The following VPS13B variants were observed in gnomAD, a reference collection of about 807,000 sequenced individuals.
The protein encoded by VPS13B is vacuolar protein sorting 13 homolog B.
A neutral mutation model predicts 426.4 loss-of-function variants in VPS13B; 285 were observed. That is an observed-to-expected ratio of 0.67 (90% CI 0.61 to 0.74). The LOEUF (loss-of-function observed/expected upper bound fraction) is 0.74, where lower values mean the gene tolerates loss of function less well. Ranked by LOEUF, VPS13B falls within the 30% of genes least tolerant of loss-of-function variation. The pLI is 0.00. For missense variants in VPS13B, 4,537 were observed against 4,782.6 expected (o/e 0.95, Z 1.51); for synonymous variants, 1,676 against 1,676.4 (o/e 1.00, Z 0.01).
intron 9 of VPS13B, 84 bp from the exon 10 acceptor site, chr8:99,134,927 TTAAC>T (rs1438995325): frequency 1.5e-5 from 23 of 1,496,060 alleles, no homozygotes; most frequent in Non-Finnish European, 2.0e-5. Flanking sequence ...CTAAAGATGT[TTAAC>T]TAATTTAGAG....
chr8:99,038,553 AG>A lies in VPS13B; in HGVS notation c.280del (p.Asp94MetfsTer50). 6.2e-7 allele frequency: 1 copy of A among 1,612,756 alleles called. No homozygotes were observed. Among genetic ancestry groups the A allele is most frequent in the Non-Finnish European group, 8.5e-7 (1 of 1,179,252 alleles). On this transcript the variant is annotated frameshift_variant, in exon 3 of 62. Coordinates refer to ENST00000357162, the MANE Select transcript of VPS13B (RefSeq NM_152564.5). LOFTEE classifies it high-confidence loss of function. ...INTMECILKL[K>X]DGIQDDHESC... ...ACTATGGAATGCATTTTGAAACTTA[AG>A]GATGGGATACAGGTAAGAAATTATT...
At chr8:99,490,074 C>T (rs1820518576) in intron 25 of VPS13B, among the ~76,000 whole-genome samples, 1 of 152,088 alleles carries the variant, frequency 6.6e-6, no homozygotes, top group Admixed American at 6.6e-5. Flanking sequence ...AGATAGCTTC[C>T]ATCAATACCT....
At chr8:99,202,074 A>T (rs1427142891) in intron 17 of VPS13B, among the ~76,000 whole-genome samples, 1 of 152,206 alleles carries the variant, frequency 6.6e-6, no homozygotes, top group Admixed American at 6.5e-5. Context: ...GATATTACCT[A>T]TGGAAGTTGT....
At chr8:99,375,605 T>G (rs1184829751) in intron 19 of VPS13B, among the ~76,000 whole-genome samples, 1 of 152,246 alleles carries the variant, frequency 6.6e-6, no homozygotes, top group Non-Finnish European at 1.5e-5. Context: ...CTCTTGCATT[T>G]CTTAGTCTCT....
Position 99,821,181 on chromosome 8 carries a change from T to G in VPS13B, c.8995-113T>G. 4 of 848,730 alleles carry G rather than the reference T, an allele frequency of 4.7e-6. No homozygotes were observed. In the East Asian group the frequency reaches 1.4e-4, roughly 29 times the overall value. 52.6% of individuals were successfully genotyped at this position (848,730 alleles called of 1,614,324 possible). ...ACACACACACACCATGGAGGGATAT[T>G]TGGTTACCTTAGTAGACCTATTATA... On this transcript the variant is annotated intron_variant, in intron 49 of 61. Transcript: ENST00000357162.
At chr8:99,507,354 G>A (rs749140270) in intron 28 of VPS13B, 151 bp downstream of exon 28, 12 of 877,302 alleles carry the variant, frequency 1.4e-5, no homozygotes, top group Non-Finnish European at 2.1e-5. Context: ...TAAATTTAAA[G>A]CTATTTATTC....
Position 99,820,111 on chromosome 8 carries a change from C to A in VPS13B, c.8983C>A (p.Pro2995Thr), listed in dbSNP as rs1180231209. ...TCCTGCTGGCAAAATTATTATTCCT[C>A]CTAATTTTCAGGTACTATAACTTTT... Reference protein sequence around the residue: ...QVPAGKIIIPPNFQEAFQIGI... With the variant: ...QVPAGKIIIPTNFQEAFQIGI... The change falls in exon 49 of 62, where the codon CCT becomes ACT. Residue 2995 changes from proline to threonine, a missense_variant. Physicochemically the swap from Pro to Thr is conservative, Grantham distance 38. Around this residue, in one of 2 missense-constraint regions of VPS13B, gnomAD observed 4,311 missense variants for 4,474.3 expected, o/e 0.96. Coordinates refer to ENST00000357162, the MANE Select transcript of VPS13B (RefSeq NM_152564.5). The A allele has an allele frequency of 2.5e-6, 4 of 1,613,570 alleles. No homozygotes were observed. The Admixed American group carries it at 5.0e-5, about 20-fold the overall frequency.
intron 21 of VPS13B, among the ~76,000 whole-genome samples, chr8:99,422,898 T>G (rs1291049214): frequency 1.3e-5 from 2 of 152,210 alleles, no homozygotes; most frequent in Non-Finnish European, 2.9e-5. Flanking sequence ...TCAAATTTAG[T>G]ACACTGTTTA....
At chr8:99,095,014 G>C (rs1342098103) in intron 3 of VPS13B, among the ~76,000 whole-genome samples, 1 of 152,052 alleles carries the variant, frequency 6.6e-6, no homozygotes, top group Non-Finnish European at 1.5e-5. Context: ...CTTCCCTCAT[G>C]TTACTACTCT....
intron 21 of VPS13B, among the ~76,000 whole-genome samples, chr8:99,428,686 G>C (rs923653748): frequency 5.9e-5 from 9 of 152,138 alleles, no homozygotes; most frequent in East Asian, 1.9e-4. Context: ...GTTGGTGGGA[G>C]TGTAAACTGG....
At chr8:99,430,998 G>A (rs966984856) in intron 21 of VPS13B, among the ~76,000 whole-genome samples, 3 of 152,118 alleles carry the variant, frequency 2.0e-5, no homozygotes, top group East Asian at 1.9e-4. Context: ...GATTACAGGC[G>A]TGAGCCAACG....
At chr8:99,172,944 A>T (rs989088998) in intron 16 of VPS13B, among the ~76,000 whole-genome samples, 2 of 152,100 alleles carry the variant, frequency 1.3e-5, no homozygotes, top group African/African-American at 4.8e-5. Flanking sequence ...TTATTTAATC[A>T]AAGTTTGCTT....
chr8:99,099,581 A>G (rs1352402088), intron 4 of VPS13B, among the ~76,000 whole-genome samples: 1 of 152,240 alleles, frequency 6.6e-6, no homozygotes, highest in Non-Finnish European at 1.5e-5. Context: ...AGATAAGCAT[A>G]CATATACATA....
chr8:99,504,316 G>A (rs542216213), intron 27 of VPS13B, among the ~76,000 whole-genome samples: 34 of 152,268 alleles, frequency 2.2e-4, no homozygotes, highest in African/African-American at 7.0e-4. Context: ...GCAGAACCAC[G>A]AGCCAAATAA....
chr8:99,243,093 A>G lies in VPS13B; in HGVS notation c.2516-31105A>G, dbSNP rs1039539785. On this transcript the variant is annotated intron_variant, in intron 17 of 61. Transcript: ENST00000357162. Reference sequence around the variant, plus strand: ...AAGTTTGATTTGGAATAAGTTTTATATAATGAGACAGGAAGATGGACTAGA... The same window carrying G: ...AAGTTTGATTTGGAATAAGTTTTATGTAATGAGACAGGAAGATGGACTAGA... Among the ~76,000 whole-genome samples the G allele has an allele frequency of 4.6e-5, 7 of 152,232 alleles. No individual in the cohort carries two copies. In the South Asian group the frequency reaches 1.4e-3, roughly 32 times the overall value.
chr8:99,668,100 T>C (rs1830558229), intron 35 of VPS13B, among the ~76,000 whole-genome samples: 1 of 152,204 alleles, frequency 6.6e-6, no homozygotes, highest in Non-Finnish European at 1.5e-5. Context: ...CATACCTATT[T>C]AAGTATCATT....
intron 31 of VPS13B, among the ~76,000 whole-genome samples, chr8:99,574,922 G>A (rs867296975): frequency 6.6e-6 from 1 of 152,176 alleles, no homozygotes; most frequent in Non-Finnish European, 1.5e-5. Flanking sequence ...CCAGCACTTT[G>A]AGAGTCCTAG....
intron 33 of VPS13B, among the ~76,000 whole-genome samples, chr8:99,632,553 A>G (rs190752515): frequency 2.6e-4 from 40 of 152,106 alleles, no homozygotes; most frequent in African/African-American, 9.4e-4. Flanking sequence ...TTGAATTTCC[A>G]AGGATTGAAG....
chr8:99,243,654 G>T (rs1242860684), intron 17 of VPS13B, among the ~76,000 whole-genome samples: 1 of 152,092 alleles, frequency 6.6e-6, no homozygotes, highest in East Asian at 1.9e-4. Flanking sequence ...ACAGCTAAAA[G>T]AATCTTTTAT....
Sources: allele counts gnomAD v4.1 joint callset (sites outside exome capture counted in the v4.1 genomes callset), GRCh38; gene constraint gnomAD v4.1.1; regional missense constraint gnomAD v4.1.1; transcripts MANE v1.5; gene names NCBI Gene and HGNC (gene_info 2026-07-23, HGNC 2026-07-21).